Variants in SLC35F1 observed in about 807,000 individuals in gnomAD.
SLC35F1 encodes chromosome 6 open reading frame 169.
Under a neutral mutation model 48.7 loss-of-function variants are expected in SLC35F1, and 14 were observed. The observed-to-expected ratio is 0.29, with a 90% confidence interval of 0.19 to 0.45. The LOEUF (loss-of-function observed/expected upper bound fraction) is 0.45. Ranked by LOEUF, SLC35F1 falls within the 20% of genes least tolerant of loss-of-function variation. The pLI is 1.00. For synonymous variants in SLC35F1, 190 were observed against 202.2 expected (o/e 0.94, Z 0.51); for missense variants, 404 against 500.0 (o/e 0.81, Z 1.83).
intron 6 of SLC35F1, among the ~76,000 whole-genome samples, chr6:118,278,404 TTC>T (rs902807515): frequency 9.2e-5 from 14 of 152,320 alleles, no homozygotes; most frequent in African/African-American, 3.4e-4. Context: ...TTTAGCCAAA[TTC>T]TGTGTCCATA....
chr6:118,170,806 G>A (rs1222843496), intron 2 of SLC35F1, among the ~76,000 whole-genome samples: 1 of 151,964 alleles, frequency 6.6e-6, no homozygotes, highest in Non-Finnish European at 1.5e-5. Context: ...AACAGTAAGT[G>A]TTTATGTAAA....
At chr6:118,083,395 T>C (rs1772940695) in intron 1 of SLC35F1, among the ~76,000 whole-genome samples, 1 of 152,218 alleles carries the variant, frequency 6.6e-6, no homozygotes, top group Admixed American at 6.5e-5. Flanking sequence ...AATATGTTCC[T>C]GTACTGAGAA....
intron 1 of SLC35F1, among the ~76,000 whole-genome samples, chr6:117,955,747 T>A (rs1401728624): frequency 1.3e-5 from 2 of 152,206 alleles, no homozygotes; most frequent in African/African-American, 4.8e-5. Context: ...CAGTCTGGTG[T>A]TAGCCACTTT....
chr6:118,149,368 A>G (rs1473696060), intron 1 of SLC35F1, among the ~76,000 whole-genome samples: 2 of 152,226 alleles, frequency 1.3e-5, no homozygotes, highest in Non-Finnish European at 2.9e-5. Context: ...AGCAGGGAGA[A>G]CATTTTTGTA....
chr6:117,928,338 C>T (rs139506066), intron 1 of SLC35F1, among the ~76,000 whole-genome samples: 76 of 152,158 alleles, frequency 5.0e-4, no homozygotes, highest in Admixed American at 2.9e-3. Context: ...TTTTAGCTTC[C>T]GCAGTCTGAA....
At position 118,273,501 on chromosome 6, in the gene SLC35F1, G is replaced by A. The variant is rs563385924; in HGVS notation, c.638-1958G>A. ...CACAAGATTCTAAAATGTCTTCTGA[G>A]TGAAGAGACTGGATCATGTTCATTA... On this transcript the variant is annotated intron_variant, in intron 4 of 7. Transcript: ENST00000360388. Among the ~76,000 whole-genome samples the A allele has an allele frequency of 3.3e-5, 5 of 152,242 alleles. No homozygotes were observed. In the South Asian group the frequency reaches 6.2e-4, roughly 19 times the overall value.
intron 1 of SLC35F1, among the ~76,000 whole-genome samples, chr6:117,995,541 G>A (rs570812994): frequency 6.6e-6 from 1 of 152,278 alleles, no homozygotes; most frequent in South Asian, 2.1e-4. Flanking sequence ...AGGAGTTTGA[G>A]ACCTGCCTGG....
intron 2 of SLC35F1, among the ~76,000 whole-genome samples, chr6:118,202,367 C>A (rs1009686240): frequency 1.3e-5 from 2 of 152,064 alleles, no homozygotes; most frequent in East Asian, 3.9e-4. Context: ...CATGGTGGCA[C>A]ACGCCTGTAG....
At chr6:118,235,758 A>C (rs1349694406) in intron 3 of SLC35F1, 122 bp downstream of exon 3, 4 of 889,598 alleles carry the variant, frequency 4.5e-6, no homozygotes, top group Non-Finnish European at 6.3e-6. Flanking sequence ...TAGTATACAG[A>C]CTGCAGTATA....
At chr6:118,211,411 G>A (rs1005969880) in intron 2 of SLC35F1, among the ~76,000 whole-genome samples, 3 of 151,958 alleles carry the variant, frequency 2.0e-5, no homozygotes, top group Non-Finnish European at 4.4e-5. Context: ...ATTCATTTTC[G>A]AACTGCCCAC....
intron 1 of SLC35F1, among the ~76,000 whole-genome samples, chr6:118,106,858 T>C (rs1482376574): frequency 3.3e-5 from 5 of 152,212 alleles, no homozygotes; most frequent in African/African-American, 4.8e-5. Context: ...CCTGCTCAGA[T>C]TGTCATCTGC....
chr6:118,197,278 T>C (rs1774814842), intron 2 of SLC35F1, among the ~76,000 whole-genome samples: 1 of 152,160 alleles, frequency 6.6e-6, no homozygotes, highest in Non-Finnish European at 1.5e-5. Context: ...ATTTCTTTTT[T>C]TGTCTTTAGA....
rs544841226 is a variant in SLC35F1 at position 118,166,615 on chromosome 6, CTTCTT to C, written c.349+11999_349+12003del. Among the ~76,000 whole-genome samples the C allele has an allele frequency of 3.1e-3, 471 of 152,284 alleles. 2 individuals are homozygous for C. Among genetic ancestry groups the C allele is most frequent in the African/African-American group, 0.011 (457 of 41,566 alleles). On this transcript the variant is annotated intron_variant, in intron 2 of 7. Transcript: ENST00000360388. The stretch of plus-strand genomic sequence containing the variant: ...TAAAGTTAAGGAACTTGGTAAGTAA[CTTCTT>C]TTCAACAGAGAAATGTGTGGGCATA...
chr6:118,024,419 GT>G (rs1777437005), intron 1 of SLC35F1, among the ~76,000 whole-genome samples: 1 of 152,214 alleles, frequency 6.6e-6, no homozygotes, highest in Admixed American at 6.5e-5. Context: ...GATCTTAGCA[GT>G]GTCCAATTTC....
Position 117,929,881 on chromosome 6 carries a change from G to A in SLC35F1, c.173+21982G>A, listed in dbSNP as rs572495285. On this transcript the variant is annotated intron_variant, in intron 1 of 7. Coordinates refer to ENST00000360388, the MANE Select transcript of SLC35F1 (RefSeq NM_001029858.4). ...ATCACAGTGATAATGACAATTAATGGTAATAGTGAGGTTACTCTCAGATGT... is the reference window on the plus strand; with the variant it reads ...ATCACAGTGATAATGACAATTAATGATAATAGTGAGGTTACTCTCAGATGT... 9.2e-5 allele frequency among the ~76,000 whole-genome samples: 14 copies of A among 152,214 alleles called. No individual in the cohort carries two copies. The South Asian group carries it at 2.9e-3, about 32-fold the overall frequency.
chr6:118,112,718 T>C (rs959002913), intron 1 of SLC35F1, among the ~76,000 whole-genome samples: 13 of 152,088 alleles, frequency 8.5e-5, no homozygotes, highest in African/African-American at 3.1e-4. Context: ...TTTAAAAAAA[T>C]ATAATTGATA....
intron 2 of SLC35F1, among the ~76,000 whole-genome samples, chr6:118,201,941 A>T (rs1307204074): frequency 6.6e-6 from 1 of 152,158 alleles, no homozygotes; most frequent in East Asian, 1.9e-4. Context: ...ATGTATTATC[A>T]CTTCATTCCT....
At chr6:118,264,000 A>G (rs1775742620) in intron 3 of SLC35F1, among the ~76,000 whole-genome samples, 1 of 152,372 alleles carries the variant, frequency 6.6e-6, no homozygotes, top group South Asian at 2.1e-4. Context: ...AAAAATTATT[A>G]TGACATAACT....
At chr6:118,004,143 C>T (rs1329522243) in intron 1 of SLC35F1, among the ~76,000 whole-genome samples, 1 of 152,088 alleles carries the variant, frequency 6.6e-6, no homozygotes, top group Non-Finnish European at 1.5e-5. Context: ...TGCACCAGGC[C>T]ACCTTCAATT....
Sources: allele counts gnomAD v4.1 joint callset (sites outside exome capture counted in the v4.1 genomes callset), GRCh38; gene constraint gnomAD v4.1.1; transcripts MANE v1.5; gene names NCBI Gene and HGNC (gene_info 2026-07-23, HGNC 2026-07-21).